ANXA8: variants seen among roughly 807,000 people sequenced by gnomAD.
ANXA8 encodes VAC-beta.
In ANXA8, 9 loss-of-function variants were observed where a neutral mutation model predicts 26.8. The ratio of observed to expected loss-of-function variants is 0.34; its 90% CI spans 0.20 to 0.59. The LOEUF (loss-of-function observed/expected upper bound fraction) is 0.59, where lower values mean the gene tolerates loss of function less well. Ranked by LOEUF, ANXA8 falls within the 20% of genes least tolerant of loss-of-function variation. The pLI is 0.84. For missense variants in ANXA8, 83 were observed against 238.5 expected, an observed-to-expected ratio of 0.35 and a Z score of 4.29; for synonymous variants, 39 against 94.8, an observed-to-expected ratio of 0.41 and a Z score of 3.42.
the ANXA8 span, among the ~76,000 whole-genome samples, chr10:47,608,980 CAG>C: frequency 2.7e-5 from 2 of 73,990 alleles, no homozygotes; most frequent in East Asian, 7.8e-4. Context: ...GAATCTGACA[CAG>C]AGGATTCAAC....
chr10:47,768,612 G>A, the ANXA8 span, among the ~76,000 whole-genome samples: 10 of 151,138 alleles, frequency 6.6e-5, no homozygotes, highest in Admixed American at 3.3e-4. Flanking sequence ...GCTGGGGAGG[G>A]GGGTGTGCTC....
the ANXA8 span, among the ~76,000 whole-genome samples, chr10:47,631,110 A>G: frequency 6.7e-6 from 1 of 150,174 alleles, no homozygotes; most frequent in Non-Finnish European, 1.5e-5. Context: ...TTAATTTTTA[A>G]TCATTGAAAT....
At chr10:47,737,643 G>A in the ANXA8 span, among the ~76,000 whole-genome samples, 1 of 150,606 alleles carries the variant, frequency 6.6e-6, no homozygotes, top group Non-Finnish European at 1.5e-5. Flanking sequence ...TTGCCCATCT[G>A]TTCTTTTTTA....
At chr10:47,620,131 C>A in the ANXA8 span, among the ~76,000 whole-genome samples, 1 of 111,722 alleles carries the variant, frequency 9.0e-6, no homozygotes, top group Non-Finnish European at 2.0e-5. Context: ...GTAAATTATT[C>A]TTTTTACAGC....
the ANXA8 span, among the ~76,000 whole-genome samples, chr10:47,980,841 G>T: frequency 2.7e-5 from 4 of 150,686 alleles, no homozygotes; most frequent in Admixed American, 1.3e-4. Flanking sequence ...AACTCACCAT[G>T]CACAAAAAAG....
the ANXA8 span, among the ~76,000 whole-genome samples, chr10:47,953,844 C>A: frequency 6.6e-6 from 1 of 150,714 alleles, no homozygotes; most frequent in African/African-American, 2.5e-5. Flanking sequence ...ACAATGGGAT[C>A]TCATGTCAAC....
At chr10:47,750,112 CCT>C in the ANXA8 span, among the ~76,000 whole-genome samples, 1 of 151,820 alleles carries the variant, frequency 6.6e-6, no homozygotes, top group Non-Finnish European at 1.5e-5. Flanking sequence ...CAGGCTTTAT[CCT>C]CTCTCAGTAA....
At chr10:47,549,534 C>T in the ANXA8 span, 1 of 572,638 alleles carries the variant, frequency 1.7e-6, no homozygotes, top group Non-Finnish European at 3.1e-6. Context: ...TAGGCAAAAA[C>T]TGGTAAAATA....
the ANXA8 span, among the ~76,000 whole-genome samples, chr10:47,603,378 C>T: frequency 6.7e-6 from 1 of 150,012 alleles, no homozygotes; most frequent in African/African-American, 2.5e-5. Flanking sequence ...AAGCCAGGCA[C>T]TGATAAGAGA....
At chr10:47,743,283 C>T in the ANXA8 span, among the ~76,000 whole-genome samples, 34,189 of 82,058 alleles carry the variant, frequency 0.42, 6,165 homozygotes, top group East Asian at 0.65. Flanking sequence ...TATATACACA[C>T]ATATATATAT....
chr10:47,657,363 G>A, the ANXA8 span, among the ~76,000 whole-genome samples: 28 of 151,742 alleles, frequency 1.8e-4, no homozygotes, highest in African/African-American at 6.8e-4. Context: ...AGAGATCTTG[G>A]AGATCATCTT....
At chr10:47,737,680 T>G in the ANXA8 span, among the ~76,000 whole-genome samples, 1 of 147,310 alleles carries the variant, frequency 6.8e-6, no homozygotes, top group Non-Finnish European at 1.5e-5. Context: ...TATGTTGCAG[T>G]GTTTTTTAGT....
chr10:47,989,407 G>A, the ANXA8 span, among the ~76,000 whole-genome samples: 9 of 121,928 alleles, frequency 7.4e-5, no homozygotes, highest in African/African-American at 2.3e-4. Context: ...CCGCAGGGGT[G>A]CGGTAGGTCT....
At chr10:47,956,946 A>C in the ANXA8 span, among the ~76,000 whole-genome samples, 1 of 150,310 alleles carries the variant, frequency 6.7e-6, no homozygotes, top group South Asian at 2.1e-4. Context: ...TCTCCAAAAC[A>C]AAGGATGTAG....
chr10:47,485,618 T>C (rs1387464457), upstream of ANXA8, among the ~76,000 whole-genome samples: 109 of 152,074 alleles, frequency 7.2e-4, no homozygotes, highest in Non-Finnish European at 1.2e-3. Context: ...ACAAATAGCT[T>C]CCAGCAAGAG....
the ANXA8 span, among the ~76,000 whole-genome samples, chr10:47,553,961 G>C: frequency 2.7e-5 from 4 of 149,296 alleles, no homozygotes; most frequent in African/African-American, 9.9e-5. Context: ...GAGATCTCGC[G>C]TTCTGGGGGT....
the ANXA8 span, chr10:47,539,047 T>C: frequency 9.9e-6 from 1 of 101,514 alleles, no homozygotes. Context: ...ATTAACACCT[T>C]GCTGCCTTTT....
At chr10:47,551,396 A>C in the ANXA8 span, among the ~76,000 whole-genome samples, 1 of 151,278 alleles carries the variant, frequency 6.6e-6, no homozygotes, top group Non-Finnish European at 1.5e-5. Context: ...AAATAAAGCT[A>C]TGTTAGTATT....
the ANXA8 span, among the ~76,000 whole-genome samples, chr10:47,659,388 G>C: frequency 6.6e-6 from 1 of 151,676 alleles, no homozygotes; most frequent in African/African-American, 2.4e-5. Context: ...CCACACTTAA[G>C]AGTGTTTTAG....
Sources: allele counts gnomAD v4.1 joint callset (sites outside exome capture counted in the v4.1 genomes callset), GRCh38; gene constraint gnomAD v4.1.1; transcripts MANE v1.5; gene names NCBI Gene and HGNC (gene_info 2026-07-23, HGNC 2026-07-21).